The following CUX1 variants were observed in gnomAD, a reference collection of about 807,000 sequenced individuals.
The protein encoded by CUX1 is cut like homeobox 1, also known as protein CASP.
A neutral mutation model predicts 158.8 loss-of-function variants in CUX1; 31 were observed. The ratio of observed to expected loss-of-function variants is 0.20; its 90% CI spans 0.15 to 0.26. The LOEUF (loss-of-function observed/expected upper bound fraction) is 0.26, where lower values mean the gene tolerates loss of function less well. Ranked by LOEUF, CUX1 falls within the 10% of genes least tolerant of loss-of-function variation. CUX1 has a pLI of 1.00. For synonymous variants in CUX1, 879 were observed against 862.1 expected, an observed-to-expected ratio of 1.02 and a Z score of -0.34; for missense variants, 1,589 against 2,014.6, an observed-to-expected ratio of 0.79 and a Z score of 4.04.
chr7:102,107,828 C>T (rs1192356748), intron 6 of CUX1, among the ~76,000 whole-genome samples: 1 of 152,204 alleles, frequency 6.6e-6, no homozygotes, highest in African/African-American at 2.4e-5. Flanking sequence ...CCATTGTGGC[C>T]ACCTGGAGCC....
intron 9 of CUX1, among the ~76,000 whole-genome samples, chr7:102,163,741 G>A (rs1172908308): frequency 1.3e-5 from 2 of 152,194 alleles, no homozygotes; most frequent in African/African-American, 4.8e-5. Flanking sequence ...GAAGAGGAGG[G>A]CGCAGACACA....
At position 102,251,618 on chromosome 7, in the gene CUX1, C is replaced by T; in HGVS notation, c.*2576C>T. Reference sequence around the variant, plus strand: ...AGGAGCTTAAGGGGACACGGGTCAACATCTAGCTCGATTCAGGTGCATTGA... The same window carrying T: ...AGGAGCTTAAGGGGACACGGGTCAATATCTAGCTCGATTCAGGTGCATTGA... On this transcript the variant is annotated 3_prime_UTR_variant, in exon 24 of 24. Coordinates refer to ENST00000292535, the MANE Select transcript of CUX1 (RefSeq NM_181552.4). 5 of 985,402 alleles carry T rather than the reference C, an allele frequency of 5.1e-6. No homozygotes were observed. The highest frequency in any genetic ancestry group is 6.0e-6 in the Non-Finnish European group (5 of 829,930). 61.0% of individuals were successfully genotyped at this position (985,402 alleles called of 1,614,324 possible). A position where few individuals can be genotyped will look rare whatever the true frequency, so the allele number is the denominator to read the frequency against.
intron 21 of CUX1, among the ~76,000 whole-genome samples, chr7:102,231,480 G>T (rs1274343394): frequency 6.6e-6 from 1 of 152,024 alleles, no homozygotes; most frequent in Non-Finnish European, 1.5e-5. Context: ...GCTTTCTTCA[G>T]GCTCTCAAAT....
intron 1 of CUX1, among the ~76,000 whole-genome samples, chr7:101,841,336 T>G (rs1247662262): frequency 6.6e-6 from 1 of 152,158 alleles, no homozygotes; most frequent in Non-Finnish European, 1.5e-5. Flanking sequence ...GTCTCCCATT[T>G]CTACATTCTG....
At chr7:101,856,248 G>A (rs912074921) in intron 1 of CUX1, among the ~76,000 whole-genome samples, 10 of 149,946 alleles carry the variant, frequency 6.7e-5, no homozygotes, top group Non-Finnish European at 1.5e-5. Context: ...TGCTGGAAGT[G>A]TGCAGTAAAG....
In CUX1 at chr7:101,821,671, C is replaced by CTTTTTTTTTTTTTTTTTTTTTTTT. The variant is rs58793343; in HGVS notation, c.30+4005_30+4028dup. Among the ~76,000 whole-genome samples the CTTTTTTTTTTTTTTTTTTTTTTTT allele has an allele frequency of 3.6e-3, 186 of 51,324 alleles. 17 individuals carry two copies. The highest frequency in any genetic ancestry group is 4.2e-3 in the Non-Finnish European group (127 of 30,406). 33.7% of individuals were successfully genotyped at this position (51,324 alleles called of 152,430 possible). On this transcript the variant is annotated intron_variant, in intron 1 of 23. Coordinates refer to ENST00000292535, the MANE Select transcript of CUX1 (RefSeq NM_181552.4). ...CTTTTCTTTTCTTTTTTTCTTTTTT[C>CTTTTTTTTTTTTTTTTTTTTTTTT]TTTTTTTTTTTTTTTTTTTTTTTTT...
intron 19 of CUX1, 109 bp from the exon 20 acceptor site, chr7:102,205,005 C>A: frequency 1.3e-6 from 1 of 772,202 alleles, no homozygotes. Context: ...CATGCCCGCC[C>A]CTCCCCAGGA....
At chr7:102,210,210 C>T (rs1554522774) in intron 20 of CUX1, among the ~76,000 whole-genome samples, 2 of 152,198 alleles carry the variant, frequency 1.3e-5, no homozygotes, top group Non-Finnish European at 2.9e-5. Flanking sequence ...AATTCTCCTT[C>T]CTCAGCCTCC....
At chr7:102,105,402 A>G (rs1044836139) in intron 6 of CUX1, among the ~76,000 whole-genome samples, 3 of 152,286 alleles carry the variant, frequency 2.0e-5, no homozygotes, top group Middle Eastern at 3.4e-3. Context: ...GTTTCCCACA[A>G]ATAATGAGTT....
chr7:101,848,051 C>CAAAAAAAAAAAAAAA (rs57428019), intron 1 of CUX1, among the ~76,000 whole-genome samples: 33 of 65,376 alleles, frequency 5.0e-4, no homozygotes, highest in Middle Eastern at 8.8e-3. Flanking sequence ...GAGCAAGACT[C>CAAAAAAAAAAAAAAA]AAAAAAAAAA....
At chr7:102,066,158 A>G (rs1481897006) in intron 3 of CUX1, among the ~76,000 whole-genome samples, 1 of 151,962 alleles carries the variant, frequency 6.6e-6, no homozygotes, top group African/African-American at 2.4e-5. Flanking sequence ...GGGAGAATCT[A>G]CTGTGTCCCT....
exon 23 of CUX1, chr7:102,283,642 CAA>C (rs1792286542): frequency 1.3e-5 from 2 of 154,000 alleles, no homozygotes; most frequent in East Asian, 1.9e-4. Context: ...CACTGCACCC[CAA>C]GAGAGAGAGC....
chr7:101,956,442 T>C (rs1165283037), intron 2 of CUX1, among the ~76,000 whole-genome samples: 2 of 152,154 alleles, frequency 1.3e-5, no homozygotes, highest in African/African-American at 4.8e-5. Flanking sequence ...ATGTAGTTCA[T>C]GACTTGATGG....
chr7:102,112,540 CCTCT>C (rs1412826188), intron 7 of CUX1, among the ~76,000 whole-genome samples: 5 of 150,916 alleles, frequency 3.3e-5, no homozygotes, highest in African/African-American at 1.2e-4. Context: ...CGCGCCCAGC[CCTCT>C]CTCTATTTCT....
chr7:101,844,178 C>G (rs1191596643), intron 1 of CUX1, among the ~76,000 whole-genome samples: 1 of 147,178 alleles, frequency 6.8e-6, no homozygotes, highest in Non-Finnish European at 1.5e-5. Flanking sequence ...CACCGTCCCC[C>G]TCCCCGCCCC....
intron 1 of CUX1, among the ~76,000 whole-genome samples, chr7:101,836,960 C>T (rs560170879): frequency 2.6e-5 from 4 of 152,284 alleles, no homozygotes; most frequent in East Asian, 1.9e-4. Flanking sequence ...TGCAGTGCCC[C>T]GTCCCCATTT....
rs1433109501 is a variant in CUX1, at chr7:102,255,956, A to T, written c.*6914A>T. The T allele has an allele frequency of 6.1e-6, 6 of 985,464 alleles. No homozygotes were observed. The highest frequency in any genetic ancestry group is 7.2e-6 in the Non-Finnish European group (6 of 829,940). 61.0% of individuals were successfully genotyped at this position (985,464 alleles called of 1,614,324 possible). On this transcript the variant is annotated 3_prime_UTR_variant, in exon 24 of 24. Transcript: ENST00000292535. ...TAAAAAAATAACGTATTGCACACCAAATGAACTCAAAGTAAGCTTTAGACC... is the reference window on the plus strand; with the variant it reads ...TAAAAAAATAACGTATTGCACACCATATGAACTCAAAGTAAGCTTTAGACC...
intron 3 of CUX1, among the ~76,000 whole-genome samples, chr7:102,048,864 C>T (rs1385965566): frequency 1.3e-5 from 2 of 151,852 alleles, no homozygotes; most frequent in South Asian, 2.1e-4. Context: ...GACATAAAAT[C>T]GTTAATGTTG....
chr7:101,892,854 T>C (rs1380008500), intron 1 of CUX1, among the ~76,000 whole-genome samples: 1 of 152,144 alleles, frequency 6.6e-6, no homozygotes, highest in African/African-American at 2.4e-5. Flanking sequence ...GCTTTAATAT[T>C]TATTATATGA....
Sources: allele counts gnomAD v4.1 joint callset (sites outside exome capture counted in the v4.1 genomes callset), GRCh38; gene constraint gnomAD v4.1.1; transcripts MANE v1.5; gene names NCBI Gene and HGNC (gene_info 2026-07-23, HGNC 2026-07-21).